The following KIF6 variants were observed in gnomAD, a reference collection of about 807,000 sequenced individuals.
KIF6 encodes kinesin-like protein KIF6.
Under a neutral mutation model 112.7 loss-of-function variants are expected in KIF6, and 106 were observed. The observed-to-expected ratio is 0.94, with a 90% CI of 0.80 to 1.11. The LOEUF (loss-of-function observed/expected upper bound fraction) is 1.11. Ranked by LOEUF, KIF6 falls within the 50% of genes least tolerant of loss-of-function variation. The pLI is 0.00. For synonymous variants in KIF6, 339 were observed against 339.9 expected, an observed-to-expected ratio of 1.00 and a Z score of 0.03; for missense variants, 929 against 964.0, an observed-to-expected ratio of 0.96 and a Z score of 0.48.
At chr6:39,405,093 T>C (rs1768990989) in intron 15 of KIF6, among the ~76,000 whole-genome samples, 1 of 152,264 alleles carries the variant, frequency 6.6e-6, no homozygotes, top group South Asian at 2.1e-4. Context: ...CTAAACTCTT[T>C]TATTGTTTAT....
At chr6:39,371,154 A>G (rs191326791) in intron 16 of KIF6, among the ~76,000 whole-genome samples, 1 of 152,194 alleles carries the variant, frequency 6.6e-6, no homozygotes, top group Non-Finnish European at 1.5e-5. Flanking sequence ...GTACACGATC[A>G]GCCCTTGTGA....
chr6:39,387,836 A>C (rs1442242619), intron 15 of KIF6, among the ~76,000 whole-genome samples: 3 of 152,236 alleles, frequency 2.0e-5, no homozygotes, highest in African/African-American at 2.4e-5. Context: ...GCATGCTCCA[A>C]ATAAAAGGAG....
At chr6:39,454,531 CAA>C (rs560119968) in intron 13 of KIF6, among the ~76,000 whole-genome samples, 285 of 76,034 alleles carry the variant, frequency 3.7e-3, no homozygotes, top group African/African-American at 9.8e-3. Context: ...CTGAGAGCAT[CAA>C]AAAAAAAAAA....
At chr6:39,501,340 G>T (rs1776126170) in intron 13 of KIF6, among the ~76,000 whole-genome samples, 1 of 152,142 alleles carries the variant, frequency 6.6e-6, no homozygotes, top group Non-Finnish European at 1.5e-5. Context: ...CAACCTCAAA[G>T]ACTGAAGGTA....
intron 17 of KIF6, among the ~76,000 whole-genome samples, 194 bp from the exon 18 acceptor site, chr6:39,360,724 C>A (rs56282216): frequency 6.6e-6 from 1 of 152,096 alleles, no homozygotes; most frequent in African/African-American, 2.4e-5. Context: ...GAGAAGCAGA[C>A]GGAGACATTT....
intron 3 of KIF6, among the ~76,000 whole-genome samples, chr6:39,652,535 A>AAAAC (rs1561899847): frequency 6.6e-6 from 1 of 151,988 alleles, no homozygotes; most frequent in African/African-American, 2.4e-5. Flanking sequence ...CTCAAAAAAA[A>AAAAC]AAAACAAAAC....
At chr6:39,591,038 T>C (rs1326217776) in intron 7 of KIF6, among the ~76,000 whole-genome samples, 1 of 152,216 alleles carries the variant, frequency 6.6e-6, no homozygotes, top group African/African-American at 2.4e-5. Flanking sequence ...TATTCATAAC[T>C]TAGGTGAGAA....
intron 19 of KIF6, 143 bp downstream of exon 19, chr6:39,357,134 C>T (rs1261467573): frequency 2.6e-5 from 15 of 568,406 alleles, no homozygotes; most frequent in Middle Eastern, 4.6e-4. Flanking sequence ...TGAGTATCTA[C>T]GACTAATTAA....
rs1435604066 is a variant in KIF6 at position 39,431,091 on chromosome 6, G to A, written c.1716C>T (p.Ser572=). The A allele has an allele frequency of 1.2e-6, 2 of 1,613,028 alleles. No homozygotes were observed. The highest frequency in any genetic ancestry group is 1.7e-6 in the Non-Finnish European group (2 of 1,179,072). ...TCTGTTTGTTGTCATCGATGGTAAC[G>A]CTGTCAGCGTGGTCCCTCTTGAAGA... is the stretch of plus-strand genomic sequence containing the variant. The part of the protein sequence containing the change: ...FEIFKRDHAD[S]VTIDDNKQIL... The change falls in exon 14 of 23, where the codon AGC becomes AGT. Residue 572 remains serine (S), a synonymous_variant. Coordinates refer to ENST00000287152, the MANE Select transcript of KIF6 (RefSeq NM_145027.6).
At chr6:39,391,248 C>T (rs1767866201) in intron 15 of KIF6, among the ~76,000 whole-genome samples, 1 of 152,176 alleles carries the variant, frequency 6.6e-6, no homozygotes, top group African/African-American at 2.4e-5. Flanking sequence ...TTGCAAAGCA[C>T]TGGTTCCAGA....
intron 10 of KIF6, among the ~76,000 whole-genome samples, chr6:39,566,349 C>A (rs1297278347): frequency 6.6e-6 from 1 of 152,158 alleles, no homozygotes; most frequent in Non-Finnish European, 1.5e-5. Context: ...TATGCATCAG[C>A]TCTTTTTATG....
At chr6:39,505,600 CATCT>C (rs1273256016) in intron 13 of KIF6, among the ~76,000 whole-genome samples, 1 of 152,138 alleles carries the variant, frequency 6.6e-6, no homozygotes, top group Non-Finnish European at 1.5e-5. Context: ...GCAATCTATC[CATCT>C]GACAAAGGTC....
In KIF6 at chr6:39,677,682, CT is replaced by C. The variant is rs1406417623; in HGVS notation, c.251+37009del. ...TATCTCCCAATGCTATCCCTCCCCC[CT>C]CCCCCGACCCCACCACAGTCCCCAG... On this transcript the variant is annotated intron_variant, in intron 3 of 22. Coordinates refer to ENST00000287152, the MANE Select transcript of KIF6 (RefSeq NM_145027.6). Among the ~76,000 whole-genome samples, 162 of 110,844 alleles carry C rather than the reference CT, an allele frequency of 1.5e-3. 4 individuals are homozygous for C. Among genetic ancestry groups the C allele is most frequent in the African/African-American group, 5.2e-3 (142 of 27,548 alleles). 72.7% of individuals were successfully genotyped at this position (110,844 alleles called of 152,430 possible).
At position 39,678,746 on chromosome 6, in the gene KIF6, T is replaced by G. The variant is rs190769040; in HGVS notation, c.251+35946A>C. 1.8e-3 allele frequency among the ~76,000 whole-genome samples: 275 copies of G among 152,308 alleles called. 3 individuals are homozygous for G. Among genetic ancestry groups the G allele is most frequent in the African/African-American group, 6.3e-3 (263 of 41,562 alleles). ...AACTTGAGCCAAATTTTCCTAAACC[T>G]CAGACATATCAGGACACTGTTGAGT... On this transcript the variant is annotated intron_variant, in intron 3 of 22. Transcript: ENST00000287152.
chr6:39,658,298 C>G (rs1785920396), intron 3 of KIF6, among the ~76,000 whole-genome samples: 2 of 152,120 alleles, frequency 1.3e-5, no homozygotes, highest in Non-Finnish European at 2.9e-5. Flanking sequence ...TGGAACTGAG[C>G]CTATTTCATT....
At chr6:39,354,084 C>T in intron 19 of KIF6, 1 of 334,692 alleles carries the variant, frequency 3.0e-6, no homozygotes, top group Admixed American at 3.3e-5. Context: ...CATTTGCTCC[C>T]TCCTGTTGCA....
chr6:39,647,493 G>A lies in KIF6; in HGVS notation c.252-7736C>T, dbSNP rs149520904. 7.9e-4 allele frequency among the ~76,000 whole-genome samples: 120 copies of A among 152,240 alleles called. 1 individual carries two copies. Among genetic ancestry groups the A allele is most frequent in the African/African-American group, 2.6e-3 (107 of 41,540 alleles). ...TGTAACAGCTATTATATCATTACAA[G>A]AAGCTGGTGACATGACTCAAGCCGA... On this transcript the variant is annotated intron_variant, in intron 3 of 22. Coordinates refer to ENST00000287152, the MANE Select transcript of KIF6 (RefSeq NM_145027.6).
intron 3 of KIF6, among the ~76,000 whole-genome samples, chr6:39,714,438 T>C (rs1350252929): frequency 6.6e-6 from 1 of 152,244 alleles, no homozygotes; most frequent in African/African-American, 2.4e-5. Context: ...CCTCAGTTTA[T>C]ATATCTTTAC....
At chr6:39,394,105 A>G (rs1048756499) in intron 15 of KIF6, among the ~76,000 whole-genome samples, 2 of 152,164 alleles carry the variant, frequency 1.3e-5, no homozygotes, top group African/African-American at 4.8e-5. Context: ...ATGTGAATGA[A>G]TATCTACAAT....
Sources: gnomAD v4.1 joint callset for allele counts (sites outside exome capture counted in the v4.1 genomes callset) on GRCh38, gnomAD v4.1.1 for gene constraint, MANE v1.5 for transcripts, NCBI Gene and HGNC (gene_info 2026-07-23, HGNC 2026-07-21) for gene names.